CD6: variants seen among roughly 807,000 people sequenced by gnomAD.
The protein encoded by CD6 is CD6 molecule, also known as T-cell differentiation antigen CD6.
In CD6, 53 loss-of-function variants were observed where a neutral mutation model predicts 75.3. The observed-to-expected ratio is 0.70, with a 90% CI of 0.56 to 0.88. The LOEUF is 0.88. Ranked by LOEUF, CD6 falls within the 40% of genes least tolerant of loss-of-function variation. The probability of loss-of-function intolerance (pLI) is 0.00; values close to 1 mark genes in which losing one functional copy is unlikely to be tolerated. For missense variants in CD6, 770 were observed against 897.1 expected (o/e 0.86, Z 1.81); for synonymous variants, 359 against 381.5 (o/e 0.94, Z 0.69).
intron 1 of CD6, among the ~76,000 whole-genome samples, chr11:60,973,662 G>A (rs1857269292): frequency 6.6e-6 from 1 of 152,200 alleles, no homozygotes. Context: ...TCCCCTCTGT[G>A]AAAGGGGTGA....
intron 8 of CD6, 123 bp from the exon 9 acceptor site, chr11:61,015,590 A>AT (rs2134496188): frequency 8.8e-7 from 1 of 1,134,766 alleles, no homozygotes; most frequent in Non-Finnish European, 1.3e-6. Flanking sequence ...AGAAAAAAAA[A>AT]GGGGGCTACT....
rs75441484 is a variant in CD6, at chr11:61,005,595, G to A, written c.50-979G>A. Among the ~76,000 whole-genome samples, 482 of 152,312 alleles carry A rather than the reference G, an allele frequency of 3.2e-3. 15 individuals are homozygous for A. The East Asian group carries it at 0.059, about 19-fold the overall frequency. On this transcript the variant is annotated intron_variant, in intron 1 of 12. Coordinates refer to ENST00000313421, the MANE Select transcript of CD6 (RefSeq NM_006725.5). ...TTTTGGAGCCTCCTTTTCCTAATCT[G>A]TAAAATAAGAATGCTAACACCTGCC...
chr11:61,013,893 T>C (rs1859278362), intron 7 of CD6, 26 bp from the exon 8 acceptor site: 9 of 1,538,664 alleles, frequency 5.8e-6, no homozygotes, highest in East Asian at 2.3e-5. Flanking sequence ...AAATGACTTG[T>C]AGAATTTCTG....
rs1169697501 is a variant in CD6, at chr11:61,007,015, A to G, written c.118+373A>G. Among the ~76,000 whole-genome samples the G allele has an allele frequency of 6.6e-6, 1 of 152,140 alleles. No individual in the cohort carries two copies. Among genetic ancestry groups the G allele is most frequent in the Non-Finnish European group, 1.5e-5 (1 of 68,012 alleles). On this transcript the variant is annotated intron_variant, in intron 2 of 12. Coordinates refer to ENST00000313421, the MANE Select transcript of CD6 (RefSeq NM_006725.5). The surrounding 1 kb of genome is among the most constrained non-coding windows in gnomAD (Gnocchi z 4.2). The stretch of plus-strand genomic sequence containing the variant: ...AGCACTGGGGGTACAATCCTGGGCT[A>G]AAAGGGGCAGGTGGTTCCCATAGAA...
intron 1 of CD6, among the ~76,000 whole-genome samples, chr11:60,977,858 C>T (rs1857419490): frequency 1.3e-5 from 2 of 152,158 alleles, no homozygotes; most frequent in African/African-American, 2.4e-5. Flanking sequence ...CTTTATATAT[C>T]ACTCCCTTAA....
At chr11:60,973,124 G>A (rs763680855) in intron 1 of CD6, among the ~76,000 whole-genome samples, 1 of 152,194 alleles carries the variant, frequency 6.6e-6, no homozygotes, top group Non-Finnish European at 1.5e-5. Flanking sequence ...GTAAAGTCGG[G>A]TCCAAAAGAT....
At chr11:61,006,667 T>A (rs749477451) in intron 2 of CD6, 25 bp downstream of exon 2, 1 of 1,582,024 alleles carries the variant, frequency 6.3e-7, no homozygotes, top group Non-Finnish European at 8.6e-7. Flanking sequence ...CCTCTGGGGG[T>A]CCATGATCAG....
At chr11:60,998,196 T>C (rs1403989933) in intron 1 of CD6, among the ~76,000 whole-genome samples, 1 of 152,162 alleles carries the variant, frequency 6.6e-6, no homozygotes, top group East Asian at 1.9e-4. Flanking sequence ...TTACTTAAGC[T>C]CTCTATGTCC....
intron 1 of CD6, among the ~76,000 whole-genome samples, chr11:60,975,147 A>G (rs1857319329): frequency 6.6e-6 from 1 of 152,052 alleles, no homozygotes; most frequent in African/African-American, 2.4e-5. Context: ...TAAGCCCTGT[A>G]ATTTTGATTA....
chr11:60,987,540 G>GTA (rs1857870946), intron 1 of CD6, among the ~76,000 whole-genome samples: 1 of 149,412 alleles, frequency 6.7e-6, no homozygotes, highest in African/African-American at 2.4e-5. Context: ...GGGTGTGTGT[G>GTA]TAGGGTGTGT....
intron 1 of CD6, among the ~76,000 whole-genome samples, chr11:60,986,781 T>C (rs76303679): frequency 0.013 from 1,931 of 152,252 alleles, 47 homozygotes; most frequent in African/African-American, 0.043. Context: ...GGTACACCTG[T>C]GGTTTAGTTT....
At chr11:60,980,335 GT>G (rs1377411150) in intron 1 of CD6, among the ~76,000 whole-genome samples, 1 of 148,250 alleles carries the variant, frequency 6.7e-6, no homozygotes, top group Non-Finnish European at 1.5e-5. Context: ...TGACCCCCAC[GT>G]TTACAAAAAA....
chr11:61,005,343 C>A (rs903565137), intron 1 of CD6, among the ~76,000 whole-genome samples: 1 of 152,164 alleles, frequency 6.6e-6, no homozygotes, highest in Non-Finnish European at 1.5e-5. Context: ...AGGGACACAG[C>A]CTACCCGAGG....
At chr11:61,008,871 C>T (rs767757073) in intron 4 of CD6, 26 bp downstream of exon 4, 8 of 1,500,172 alleles carry the variant, frequency 5.3e-6, no homozygotes, top group South Asian at 1.3e-5. Context: ...CACTGAAGCC[C>T]GGTCACTACC....
chr11:61,012,100 A>G (rs1024811083), intron 6 of CD6, among the ~76,000 whole-genome samples: 5 of 152,176 alleles, frequency 3.3e-5, no homozygotes, highest in Non-Finnish European at 7.4e-5. Flanking sequence ...AGACACCCAG[A>G]AGCAGTGAAC....
chr11:60,991,856 C>CTA (rs766457346), intron 1 of CD6, among the ~76,000 whole-genome samples: 3 of 147,010 alleles, frequency 2.0e-5, no homozygotes, highest in African/African-American at 5.0e-5. Flanking sequence ...TCATATATAT[C>CTA]TATATATATG....
intron 1 of CD6, among the ~76,000 whole-genome samples, chr11:60,988,717 G>A (rs936869138): frequency 2.8e-4 from 43 of 152,136 alleles, no homozygotes; most frequent in Non-Finnish European, 4.6e-4. Context: ...TCTCTTAGGG[G>A]GCTTTAGGCC....
At chr11:61,014,762 T>C (rs1433897322) in intron 8 of CD6, among the ~76,000 whole-genome samples, 1 of 151,252 alleles carries the variant, frequency 6.6e-6, no homozygotes, top group Non-Finnish European at 1.5e-5. Context: ...AAAGGTTCAG[T>C]CATTCATCCT....
chr11:61,007,612 G>C lies in CD6; in HGVS notation c.171G>C (p.Thr57=). Residue 57 remains threonine, a synonymous_variant, in exon 3 of 13, where the codon ACG becomes ACC. Transcript: ENST00000313421. The surrounding 1 kb of genome is among the most constrained non-coding windows in gnomAD (Gnocchi z 4.2). The part of the protein sequence containing the change: ...LTNGSSSCSG[T]VEVRLEASWE... ...ACGGGAGCAGCAGCTGCAGCGGGAC[G>C]GTGGAGGTGCGGCTCGAGGCGTCCT... 1.3e-6 allele frequency: 2 copies of C among 1,500,168 alleles called. No homozygotes were observed. The highest frequency in any genetic ancestry group is 1.8e-6 in the Non-Finnish European group (2 of 1,124,994). 92.9% of individuals were successfully genotyped at this position (1,500,168 alleles called of 1,614,324 possible).
Sources: gnomAD v4.1 joint callset for allele counts (sites outside exome capture counted in the v4.1 genomes callset) on GRCh38, gnomAD v4.1.1 for gene constraint, Gnocchi (gnomAD v3.1) non-coding constraint, MANE v1.5 for transcripts, NCBI Gene and HGNC (gene_info 2026-07-23, HGNC 2026-07-21) for gene names.